ABCA2: variants seen among roughly 807,000 people sequenced by gnomAD.
ABCA2 encodes ATP-binding cassette sub-family A member 2.
Under a neutral mutation model 262.8 loss-of-function variants are expected in ABCA2, and 84 were observed. That is an observed-to-expected ratio of 0.32 (90% CI 0.27 to 0.38). ABCA2 has a LOEUF of 0.38. Among genes scored for constraint, ABCA2 ranks in the 10% least tolerant of loss-of-function variants. ABCA2 has a pLI of 1.00. For synonymous variants in ABCA2, 1,696 were observed against 1,502.9 expected (o/e 1.13, Z -2.97); for missense variants, 2,662 against 3,405.9 (o/e 0.78, Z 5.44).
chr9:137,013,455 C>A lies in ABCA2; in HGVS notation c.4550+6G>T, dbSNP rs1430734705. 2 of 1,600,574 alleles carry A rather than the reference C, an allele frequency of 1.2e-6. No homozygotes were observed. Among genetic ancestry groups the A allele is most frequent in the Middle Eastern group, 1.7e-4 (1 of 5,966 alleles). ...CCACCAAGGCTGCCCCCGCTGGAGG[C>A]CTCACCGGTACTCGCGGCGCTCCTC... is the stretch of plus-strand genomic sequence containing the variant. On this transcript the variant is annotated splice_donor_region_variant and intron_variant, in intron 29 of 48. Coordinates refer to ENST00000341511, the MANE Select transcript of ABCA2 (RefSeq NM_001606.5).
rs1285492988 is a variant in ABCA2, at chr9:137,009,047, T to A, written c.6834A>T (p.Gly2278=). 2 of 1,606,588 alleles carry A rather than the reference T, an allele frequency of 1.2e-6. No individual in the cohort carries two copies. Among genetic ancestry groups the A allele is most frequent in the Non-Finnish European group, 1.7e-6 (2 of 1,179,692 alleles). The change falls in exon 46 of 49, where the codon GGA becomes GGT. Residue 2278 remains glycine, a synonymous_variant. Coordinates refer to ENST00000341511, the MANE Select transcript of ABCA2 (RefSeq NM_001606.5). ...TCCGCACCGTGATCATGTAGCCATC[T>A]CCAAACCTGGTGGGACAGGCCGGTG... The part of the protein sequence containing the change: ...GSIQHLKNRF[G]DGYMITVRTK...
chr9:137,013,630 C>G lies in ABCA2; in HGVS notation c.4448-67G>C, dbSNP rs902215342. The stretch of plus-strand genomic sequence containing the variant: ...TGGCCAGCGGCCCCCAAGCCTCGGT[C>G]CCCTTCCCCCAACCCCAAGGGATCC... On this transcript the variant is annotated intron_variant, in intron 28 of 48. Transcript: ENST00000341511. The G allele has an allele frequency of 3.1e-5, 46 of 1,486,946 alleles. No individual in the cohort carries two copies. The Admixed American group carries it at 6.4e-4, about 21-fold the overall frequency. 92.1% of individuals were successfully genotyped at this position (1,486,946 alleles called of 1,614,324 possible).
intron 19 of ABCA2, 37 bp downstream of exon 19, chr9:137,016,883 C>T: frequency 6.2e-7 from 1 of 1,602,630 alleles, no homozygotes; most frequent in Admixed American, 1.7e-5. Context: ...GCTGGGGACC[C>T]CTGCCTCTCC....
At position 137,018,716 on chromosome 9, in the gene ABCA2, C is replaced by T. The variant is rs781336422; in HGVS notation, c.1819+3G>A. 42 of 1,609,508 alleles carry T rather than the reference C, an allele frequency of 2.6e-5. No individual in the cohort carries two copies. The highest frequency in any genetic ancestry group is 3.3e-5 in the Non-Finnish European group (39 of 1,179,330). On this transcript the variant is annotated splice_donor_region_variant and intron_variant, in intron 13 of 48. Coordinates refer to ENST00000341511, the MANE Select transcript of ABCA2 (RefSeq NM_001606.5). ...CTGGGGCGGGGCGGGGAGGGCAGCT[C>T]ACTGGCAAAAACAGTGACGTTGTCC...
Position 137,013,505 on chromosome 9 carries a change from A to G in ABCA2, c.4506T>C (p.Arg1502=), listed in dbSNP as rs754286752. 10 of 1,610,088 alleles carry G rather than the reference A, an allele frequency of 6.2e-6. No individual in the cohort carries two copies. In the East Asian group the frequency reaches 1.6e-4, roughly 25 times the overall value. The change falls in exon 29 of 49, where the codon CGT becomes CGC. Residue 1502 remains arginine (R), a synonymous_variant. Coordinates refer to ENST00000341511, the MANE Select transcript of ABCA2 (RefSeq NM_001606.5). ...PSQYHNYTQP[R]GNFIPYANEE... Reference sequence around the variant, plus strand: ...CGTTGGCGTAGGGGATGAAATTGCCACGGGGCTGGGTGTAGTTGTGGTACT... The same window carrying G: ...CGTTGGCGTAGGGGATGAAATTGCCGCGGGGCTGGGTGTAGTTGTGGTACT...
In ABCA2 at chr9:137,015,742, C is replaced by T. The variant is rs776955592; in HGVS notation, c.3447G>A (p.Glu1149=). 4 of 1,612,242 alleles carry T rather than the reference C, an allele frequency of 2.5e-6. No homozygotes were observed. In the South Asian group the frequency reaches 3.3e-5, roughly 13 times the overall value. ...VGGSRAIILD[E]PTAGVDPYAR... ...CGTAGGGGTCCACGCCCGCCGTGGG[C>T]TCGTCCAGGATGATGGCGCGAGAGC... Residue 1149 remains glutamate, a synonymous_variant, in exon 23 of 49, where the codon GAG becomes GAA. Coordinates refer to ENST00000341511, the MANE Select transcript of ABCA2 (RefSeq NM_001606.5).
rs1476726356 is a variant in ABCA2, at chr9:137,011,350, G to C, written c.5800-41C>G. 4.4e-6 allele frequency: 7 copies of C among 1,603,854 alleles called. No individual in the cohort carries two copies. The East Asian group carries it at 1.3e-4, about 31-fold the overall frequency. On this transcript the variant is annotated intron_variant, in intron 37 of 48. Transcript: ENST00000341511. This position sits in a 1 kb window ranked among gnomAD's most constrained non-coding sequence, Gnocchi z 8.8. ...GGTCAGGGGCACAGGGGTGGCCGGG[G>C]TGAGGGGCACAGCCTCCGCAGGGTC...
rs1831573116 is a variant in ABCA2, at chr9:137,024,137, A to T, written c.160+6T>A. On this transcript the variant is annotated splice_donor_region_variant and intron_variant, in intron 2 of 48. Coordinates refer to ENST00000341511, the MANE Select transcript of ABCA2 (RefSeq NM_001606.5). The stretch of plus-strand genomic sequence containing the variant: ...GGCTGTGCCTGGGGCCTCCTGCCGC[A>T]CTCACCTTCCTTCACGGAGATGGTG... 1 of 1,605,502 alleles carries T rather than the reference A, an allele frequency of 6.2e-7. No individual in the cohort carries two copies. Among genetic ancestry groups the T allele is most frequent in the Non-Finnish European group, 8.5e-7 (1 of 1,176,706 alleles).
chr9:137,022,586 G>A (rs1276896570), intron 5 of ABCA2, 108 bp from the exon 6 acceptor site: 4 of 1,556,434 alleles, frequency 2.6e-6, no homozygotes, highest in Non-Finnish European at 3.5e-6. Flanking sequence ...TGCAGCCTGT[G>A]CGTGGCTGGG....
chr9:137,022,544 C>T (rs945552081), intron 5 of ABCA2, 66 bp from the exon 6 acceptor site: 29 of 1,578,740 alleles, frequency 1.8e-5, no homozygotes, highest in East Asian at 1.1e-4. Context: ...CACATGCGCT[C>T]GGAGCCGAGC....
At position 137,021,347 on chromosome 9, in the gene ABCA2, CAG is replaced by C. The variant is rs773239016; in HGVS notation, c.897+43_897+44del. On this transcript the variant is annotated intron_variant, in intron 8 of 48. Transcript: ENST00000341511. This position sits in a 1 kb window ranked among gnomAD's most constrained non-coding sequence, Gnocchi z 6.0. ...AGCGGTCCCAGCCCCTCCTTCAACT[CAG>C]GCAGCAAGCAGCGCAGCGGGCAGTG... 1 of 1,589,096 alleles carries C rather than the reference CAG, an allele frequency of 6.3e-7. No individual in the cohort carries two copies. The highest frequency in any genetic ancestry group is 8.5e-7 in the Non-Finnish European group (1 of 1,172,140).
At chr9:137,018,649 G>C in intron 13 of ABCA2, 70 bp downstream of exon 13, 4 of 1,329,938 alleles carry the variant, frequency 3.0e-6, no homozygotes, top group Non-Finnish European at 4.1e-6. Context: ...GGCACAGGGG[G>C]ACGGGTGGGG....
At chr9:137,028,266 C>T, upstream of ABCA2, 1 of 978,440 alleles carries the variant, frequency 1.0e-6, no homozygotes, top group Non-Finnish European at 1.2e-6. This position sits in a 1 kb window ranked among gnomAD's most constrained non-coding sequence, Gnocchi z 6.9. Flanking sequence ...CGTCCGGGAC[C>T]CGATCCGCGC....
Position 137,016,933 on chromosome 9 carries a change from C to T in ABCA2, c.2745G>A (p.Glu915=). 1.9e-6 allele frequency: 3 copies of T among 1,612,620 alleles called. No individual in the cohort carries two copies. In the South Asian group the frequency reaches 3.3e-5, roughly 18 times the overall value. Residue 915 remains glutamate, a synonymous_variant, in exon 19 of 49, where the codon GAG becomes GAA. Transcript: ENST00000341511. ...VVYGILTWYI[E]AVHPGMYGLP... is the part of the protein sequence containing the mutation. ...GCTGGCCAGTACCTGGGTGCACAGC[C>T]TCAATGTACCACGTGAGGATGCCAT...
In ABCA2 at chr9:137,016,244, C is replaced by T. The variant is rs1831256145; in HGVS notation, c.3104+47G>A. 1.9e-6 allele frequency: 3 copies of T among 1,611,800 alleles called. No homozygotes were observed. The East Asian group carries it at 6.7e-5, about 36-fold the overall frequency. ...CCCCACCCTGCCCTGACTAGGACTC[C>T]TGCTCTGGTCAGCAGATGCCCACCG... On this transcript the variant is annotated intron_variant, in intron 21 of 48. Transcript: ENST00000341511.
chr9:137,021,798 G>T lies in ABCA2; in HGVS notation c.678+93C>A. 1 of 1,332,258 alleles carries T rather than the reference G, an allele frequency of 7.5e-7. No individual in the cohort carries two copies. Among genetic ancestry groups the T allele is most frequent in the Non-Finnish European group, 1.0e-6 (1 of 953,176 alleles). The allele number at this position is 1,332,258 out of a possible 1,614,324, so 82.5% of individuals were successfully genotyped here. On this transcript the variant is annotated intron_variant, in intron 7 of 48. Coordinates refer to ENST00000341511, the MANE Select transcript of ABCA2 (RefSeq NM_001606.5). The surrounding 1 kb of genome is among the most constrained non-coding windows in gnomAD (Gnocchi z 6.0). ...CCCCCTCTCCCAGGAGGAGCTCCAAGTCACCAAAGGGGCCCTTTCCTCACC... is the reference window on the plus strand; with the variant it reads ...CCCCCTCTCCCAGGAGGAGCTCCAATTCACCAAAGGGGCCCTTTCCTCACC...
At position 137,019,407 on chromosome 9, in the gene ABCA2, C is replaced by A; in HGVS notation, c.1426-101G>T. ...TCCCCAGTGGCTGGTCCATTGCCAA[C>A]AACTAACCCTCCCCACCTTTTTTTT... On this transcript the variant is annotated intron_variant, in intron 10 of 48. Coordinates refer to ENST00000341511, the MANE Select transcript of ABCA2 (RefSeq NM_001606.5). The surrounding 1 kb of genome is among the most constrained non-coding windows in gnomAD (Gnocchi z 4.4). The A allele has an allele frequency of 1.2e-3, 1,287 of 1,073,462 alleles. No individual in the cohort carries two copies. The highest frequency in any genetic ancestry group is 1.6e-3 in the Non-Finnish European group (1,169 of 744,514). The allele number at this position is 1,073,462 out of a possible 1,614,324, so 66.5% of individuals were successfully genotyped here.
At chr9:137,028,748 C>A (rs374868755), upstream of ABCA2, 1 of 1,279,332 alleles carries the variant, frequency 7.8e-7, no homozygotes, top group South Asian at 1.3e-5. This position sits in a 1 kb window ranked among gnomAD's most constrained non-coding sequence, Gnocchi z 6.9. Context: ...CAGGTGGGTC[C>A]GTCCCGCGAT....
rs1351887242 is a variant in ABCA2 at position 137,013,014 on chromosome 9, T to C, written c.4855A>G (p.Thr1619Ala). The change falls in exon 30 of 49, where the codon ACC (threonine) becomes GCC (alanine). Residue 1619 changes from threonine to alanine, a missense_variant. Thr to Ala is a moderately conservative substitution (Grantham distance 58). This residue lies in a region of ABCA2 where 192 missense variants were observed against 207.2 expected (regional missense o/e 0.93). Transcript: ENST00000341511. ...CCTGAACCACTACCTGGCCCAGCGG[T>C]GGGCGGCAGGGAGACGTTCCAGGCC... is the stretch of plus-strand genomic sequence containing the variant. ...LQAWNVSLPP[T>A]AGPEMWTSAP... 3 of 1,428,756 alleles carry C rather than the reference T, an allele frequency of 2.1e-6. No individual in the cohort carries two copies. The highest frequency in any genetic ancestry group is 2.6e-5 in the South Asian group (2 of 76,874). The allele number at this position is 1,428,756 out of a possible 1,614,324, so 88.5% of individuals were successfully genotyped here. A position where few individuals can be genotyped will look rare whatever the true frequency, so the allele number is the denominator to read the frequency against.
Sources: allele counts gnomAD v4.1 joint callset, GRCh38; gene constraint gnomAD v4.1.1; regional missense constraint gnomAD v4.1.1; non-coding constraint Gnocchi (gnomAD v3.1); transcripts MANE v1.5; gene names NCBI Gene and HGNC (gene_info 2026-07-23, HGNC 2026-07-21).